RPTOR: variants seen among roughly 807,000 people sequenced by gnomAD.
RPTOR encodes regulatory-associated protein of mTOR.
In RPTOR, 21 loss-of-function variants were observed where a neutral mutation model predicts 169.9. That is an observed-to-expected ratio of 0.12 (90% CI 0.09 to 0.18). The LOEUF (loss-of-function observed/expected upper bound fraction) is 0.18, where lower values mean the gene tolerates loss of function less well. RPTOR is among the 10% of genes least tolerant of loss of function. The pLI is 1.00. For missense variants in RPTOR, 1,133 were observed against 1,855.9 expected (o/e 0.61, Z 7.16); for synonymous variants, 732 against 753.2 (o/e 0.97, Z 0.46).
At chr17:80,919,718 A>T (rs952413137) in intron 21 of RPTOR, among the ~76,000 whole-genome samples, 3 of 152,088 alleles carry the variant, frequency 2.0e-5, no homozygotes, top group African/African-American at 4.8e-5. Context: ...GGCCCAAGAG[A>T]GTGTCTGTGC....
chr17:80,628,511 T>C (rs2065413497), intron 2 of RPTOR, among the ~76,000 whole-genome samples: 1 of 152,236 alleles, frequency 6.6e-6, no homozygotes, highest in Non-Finnish European at 1.5e-5. Flanking sequence ...CTGCTGTAAT[T>C]CTTTGTTTCT....
intron 1 of RPTOR, among the ~76,000 whole-genome samples, chr17:80,554,497 A>G (rs1001661512): frequency 6.6e-6 from 1 of 152,058 alleles, no homozygotes; most frequent in African/African-American, 2.4e-5. Context: ...TAATCCCAGC[A>G]CTTTGGGAGA....
chr17:80,846,668 G>A, intron 11 of RPTOR, 94 bp downstream of exon 11: 1 of 1,036,436 alleles, frequency 9.6e-7, no homozygotes, highest in Non-Finnish European at 1.5e-6. Context: ...CTCTCCCTGA[G>A]CCCTGTGGGT....
At chr17:80,889,080 G>T (rs2068284108) in intron 17 of RPTOR, among the ~76,000 whole-genome samples, 1 of 152,236 alleles carries the variant, frequency 6.6e-6, no homozygotes, top group African/African-American at 2.4e-5. Context: ...CTGCCCAGGT[G>T]AGAGGGGCCG....
intron 3 of RPTOR, among the ~76,000 whole-genome samples, chr17:80,649,036 T>C (rs1466616403): frequency 6.6e-6 from 1 of 152,206 alleles, no homozygotes; most frequent in Admixed American, 6.5e-5. Context: ...AATTGCCCAG[T>C]CTTGGTTATG....
chr17:80,885,166 C>G lies in RPTOR; in HGVS notation c.1983+18C>G. The G allele has an allele frequency of 6.5e-7, 1 of 1,549,008 alleles. No homozygotes were observed. The highest frequency in any genetic ancestry group is 8.7e-7 in the Non-Finnish European group (1 of 1,145,892). ...TCCGGAAGGTGCGTGAACCCCCAGC[C>G]CGGCAGCAGCAGGGCACCCAGGCTG... is the stretch of plus-strand genomic sequence containing the variant. On this transcript the variant is annotated intron_variant, in intron 17 of 33. Transcript: ENST00000306801.
At chr17:80,819,638 G>A (rs749112705) in intron 7 of RPTOR, among the ~76,000 whole-genome samples, 12 of 152,170 alleles carry the variant, frequency 7.9e-5, no homozygotes, top group Non-Finnish European at 1.0e-4. Flanking sequence ...AGATTTTTCC[G>A]ACTTTTACAT....
chr17:80,566,268 CTCATGCCGTGG>C (rs1275689190), intron 1 of RPTOR, among the ~76,000 whole-genome samples: 1 of 152,190 alleles, frequency 6.6e-6, no homozygotes, highest in African/African-American at 2.4e-5. Flanking sequence ...TGGTGCCTGT[CTCATGCCGTGG>C]TCAGCTTCTG....
intron 3 of RPTOR, among the ~76,000 whole-genome samples, chr17:80,700,724 G>GTGATGA (rs1567864653): frequency 1.5e-4 from 3 of 20,504 alleles, no homozygotes; most frequent in East Asian, 1.6e-3. Flanking sequence ...GGTGGTGGTG[G>GTGATGA]TGGTGATGAT....
At chr17:80,915,234 G>A (rs1209540030) in intron 21 of RPTOR, among the ~76,000 whole-genome samples, 3 of 150,106 alleles carry the variant, frequency 2.0e-5, no homozygotes, top group Non-Finnish European at 4.4e-5. Context: ...TCTGCTGAGA[G>A]CTGAGCAGAC....
At chr17:80,767,798 G>A (rs925731316) in intron 6 of RPTOR, among the ~76,000 whole-genome samples, 46 of 152,040 alleles carry the variant, frequency 3.0e-4, no homozygotes, top group African/African-American at 1.0e-3. Context: ...ATGCACCTGG[G>A]GCCTTTTACA....
intron 2 of RPTOR, among the ~76,000 whole-genome samples, chr17:80,636,935 G>A (rs1017456981): frequency 4.6e-5 from 7 of 152,222 alleles, no homozygotes; most frequent in Non-Finnish European, 2.9e-5. Flanking sequence ...CAGGACGGCC[G>A]CTCACTCAGG....
chr17:80,586,280 TG>T (rs2065059998), intron 1 of RPTOR, among the ~76,000 whole-genome samples: 1 of 152,184 alleles, frequency 6.6e-6, no homozygotes, highest in Non-Finnish European at 1.5e-5. Context: ...AATCCACACT[TG>T]GGCTGTCATA....
chr17:80,567,558 G>C (rs2064857376), intron 1 of RPTOR, among the ~76,000 whole-genome samples: 1 of 151,574 alleles, frequency 6.6e-6, no homozygotes, highest in Admixed American at 6.6e-5. Flanking sequence ...TTGGGAGGCC[G>C]AGGCAGGCAG....
intron 22 of RPTOR, 140 bp downstream of exon 22, chr17:80,922,967 G>A (rs2068764576): frequency 5.8e-6 from 4 of 687,336 alleles, no homozygotes; most frequent in Admixed American, 2.8e-5. Context: ...TCCAGCGGGC[G>A]TTCTTTCCCT....
intron 21 of RPTOR, among the ~76,000 whole-genome samples, chr17:80,916,021 C>T (rs1333877278): frequency 2.6e-5 from 4 of 152,152 alleles, no homozygotes; most frequent in African/African-American, 9.7e-5. Context: ...CAGTAAAGCT[C>T]CTCTTCAGCT....
At chr17:80,918,398 C>CCCACGAGCACCCTCGCCGGAGTCATAG (rs2068699940) in intron 21 of RPTOR, among the ~76,000 whole-genome samples, 2 of 142,318 alleles carry the variant, frequency 1.4e-5, no homozygotes, top group African/African-American at 5.4e-5. Context: ...CAGCGGCTGC[C>CCCACGAGCACCCTCGCCGGAGTCATAG]CCACGAGCAC....
intron 4 of RPTOR, among the ~76,000 whole-genome samples, chr17:80,710,692 CCTTT>C (rs1271310149): frequency 6.6e-6 from 1 of 151,732 alleles, no homozygotes; most frequent in African/African-American, 2.4e-5. Flanking sequence ...GTTATACACA[CCTTT>C]CTTTTTGGAT....
chr17:80,893,916 C>G (rs775197758), intron 20 of RPTOR, 51 bp downstream of exon 20: 2 of 1,493,912 alleles, frequency 1.3e-6, no homozygotes, highest in Non-Finnish European at 1.8e-6. Flanking sequence ...GGGTCTCCTC[C>G]CCACACAGAG....
Sources: gnomAD v4.1 joint callset for allele counts (sites outside exome capture counted in the v4.1 genomes callset) on GRCh38, gnomAD v4.1.1 for gene constraint, MANE v1.5 for transcripts, NCBI Gene and HGNC (gene_info 2026-07-23, HGNC 2026-07-21) for gene names.